The following AGAP1 variants were observed in gnomAD, a reference collection of about 807,000 sequenced individuals.
AGAP1 encodes the protein arf-GAP with GTPase, ANK repeat and PH domain-containing protein 1.
A neutral mutation model predicts 105.3 loss-of-function variants in AGAP1; 29 were observed. The observed-to-expected ratio is 0.28, with a 90% CI of 0.21 to 0.38. The LOEUF (loss-of-function observed/expected upper bound fraction) is 0.38, where lower values mean the gene tolerates loss of function less well. AGAP1 is among the 10% of genes least tolerant of loss of function. The pLI is 1.00. For synonymous variants in AGAP1, 509 were observed against 485.9 expected (o/e 1.05, Z -0.63); for missense variants, 998 against 1,165.1 (o/e 0.86, Z 2.09).
intron 1 of AGAP1, among the ~76,000 whole-genome samples, chr2:235,575,963 A>G (rs1262243734): frequency 6.6e-6 from 1 of 152,152 alleles, no homozygotes; most frequent in Non-Finnish European, 1.5e-5. Flanking sequence ...TTTTTATGAG[A>G]CGTGTTGTCC....
rs1366379729 is a variant in AGAP1 at position 235,691,325 on chromosome 2, AAGTTAGAAAGGCAC to A, written c.164-17852_164-17839del. 1.3e-5 allele frequency among the ~76,000 whole-genome samples: 2 copies of A among 152,258 alleles called. No homozygotes were observed. Among genetic ancestry groups the A allele is most frequent in the Non-Finnish European group, 2.9e-5 (2 of 68,050 alleles). ...CAGTGGATGCTACCCTGTTGGTGGC[AAGTTAGAAAGGCAC>A]ACGTTGGTAATGGCCAATGGTTGCC... On this transcript the variant is annotated intron_variant, in intron 1 of 17. Transcript: ENST00000304032. This position sits in a 1 kb window ranked among gnomAD's most constrained non-coding sequence, Gnocchi z 4.4.
chr2:235,813,511 G>A (rs1958274250), intron 9 of AGAP1, among the ~76,000 whole-genome samples: 1 of 152,224 alleles, frequency 6.6e-6, no homozygotes, highest in Admixed American at 6.5e-5. Flanking sequence ...CCCTCGCAGG[G>A]CATGTGATGG....
rs550641309 is a variant in AGAP1 at position 235,690,140 on chromosome 2, C to T, written c.164-19039C>T. Among the ~76,000 whole-genome samples, 2 of 152,068 alleles carry T rather than the reference C, an allele frequency of 1.3e-5. No homozygotes were observed. Among genetic ancestry groups the T allele is most frequent in the Non-Finnish European group, 2.9e-5 (2 of 68,024 alleles). Reference sequence around the variant, plus strand: ...CTGAGTCCCCAGGTTCCCCTCTCCCCCTACCTGAGGTACTGAGGGATCTCA... The same window carrying T: ...CTGAGTCCCCAGGTTCCCCTCTCCCTCTACCTGAGGTACTGAGGGATCTCA... On this transcript the variant is annotated intron_variant, in intron 1 of 17. Transcript: ENST00000304032. The surrounding 1 kb of genome is among the most constrained non-coding windows in gnomAD (Gnocchi z 4.1).
intron 1 of AGAP1, among the ~76,000 whole-genome samples, chr2:235,598,930 G>A (rs1364111773): frequency 6.6e-6 from 1 of 152,230 alleles, no homozygotes; most frequent in Non-Finnish European, 1.5e-5. Flanking sequence ...ATTTAGGGCT[G>A]TGGATGGGCT....
Position 235,973,358 on chromosome 2 carries a change from T to A in AGAP1, c.1645+4735T>A, listed in dbSNP as rs2054731265. ...GCAGGGACGGTGACTGGAGAATCCC[T>A]TATCTTTTTGTGTATATTTTGGGTT... is the stretch of plus-strand genomic sequence containing the variant. On this transcript the variant is annotated intron_variant, in intron 13 of 17. Coordinates refer to ENST00000304032, the MANE Select transcript of AGAP1 (RefSeq NM_001037131.3). This position sits in a 1 kb window ranked among gnomAD's most constrained non-coding sequence, Gnocchi z 4.7. 6.6e-6 allele frequency among the ~76,000 whole-genome samples: 1 copy of A among 152,194 alleles called. No individual in the cohort carries two copies.
rs1273731996 is a variant in AGAP1 at position 235,639,042 on chromosome 2, G to A, written c.164-70137G>A. 6.6e-6 allele frequency among the ~76,000 whole-genome samples: 1 copy of A among 152,200 alleles called. No individual in the cohort carries two copies. Among genetic ancestry groups the A allele is most frequent in the African/African-American group, 2.4e-5 (1 of 41,454 alleles). ...ACTGGTTAAAATAGTGTCAGTAGGGGTGGAGAGAAGGGGACAAAAGAGTCT... is the reference window on the plus strand; with the variant it reads ...ACTGGTTAAAATAGTGTCAGTAGGGATGGAGAGAAGGGGACAAAAGAGTCT... On this transcript the variant is annotated intron_variant, in intron 1 of 17. Transcript: ENST00000304032. The surrounding 1 kb of genome is among the most constrained non-coding windows in gnomAD (Gnocchi z 5.3).
intron 1 of AGAP1, among the ~76,000 whole-genome samples, chr2:235,527,882 C>T (rs1394132643): frequency 6.6e-6 from 1 of 152,186 alleles, no homozygotes; most frequent in African/African-American, 2.4e-5. Flanking sequence ...ATCCGTAAAG[C>T]CTCATGCCCT....
At chr2:235,895,146 A>G (rs2050741977) in intron 10 of AGAP1, among the ~76,000 whole-genome samples, 1 of 152,226 alleles carries the variant, frequency 6.6e-6, no homozygotes, top group Admixed American at 6.5e-5. Context: ...TGGCCTGCTC[A>G]TAAAGTTTTC....
rs866160753 is a variant in AGAP1, at chr2:235,729,094, A to G, written c.310+11450A>G. 4.6e-5 allele frequency among the ~76,000 whole-genome samples: 7 copies of G among 152,104 alleles called. No homozygotes were observed. Among genetic ancestry groups the G allele is most frequent in the Admixed American group, 1.3e-4 (2 of 15,280 alleles). On this transcript the variant is annotated intron_variant, in intron 3 of 17. Coordinates refer to ENST00000304032, the MANE Select transcript of AGAP1 (RefSeq NM_001037131.3). The surrounding 1 kb of genome is among the most constrained non-coding windows in gnomAD (Gnocchi z 5.0). Reference sequence around the variant, plus strand: ...CTCCAGCCAGGCTATTAGCAGGAGCACTGGCTTTGGAGGGGGACCTAAGAG... The same window carrying G: ...CTCCAGCCAGGCTATTAGCAGGAGCGCTGGCTTTGGAGGGGGACCTAAGAG...
chr2:235,628,569 A>G (rs540517621), intron 1 of AGAP1, among the ~76,000 whole-genome samples: 2 of 152,136 alleles, frequency 1.3e-5, no homozygotes, highest in Non-Finnish European at 2.9e-5. Flanking sequence ...AGATGGAGAC[A>G]AGATTTGGTG....
intron 9 of AGAP1, among the ~76,000 whole-genome samples, chr2:235,822,633 G>A (rs1958858510): frequency 1.3e-5 from 2 of 152,084 alleles, no homozygotes; most frequent in Non-Finnish European, 2.9e-5. Context: ...AAGCTCAGTG[G>A]TGAAGAGGAG....
At chr2:235,800,274 T>C (rs1460315682) in intron 8 of AGAP1, among the ~76,000 whole-genome samples, 2 of 151,782 alleles carry the variant, frequency 1.3e-5, no homozygotes, top group East Asian at 3.9e-4. Context: ...AATTTTTTTT[T>C]TTTTTTTAAA....
Position 235,601,771 on chromosome 2 carries a change from C to T in AGAP1, c.163+106922C>T, listed in dbSNP as rs1386277760. 6.6e-6 allele frequency among the ~76,000 whole-genome samples: 1 copy of T among 152,108 alleles called. No individual in the cohort carries two copies. Among genetic ancestry groups the T allele is most frequent in the Non-Finnish European group, 1.5e-5 (1 of 68,020 alleles). On this transcript the variant is annotated intron_variant, in intron 1 of 17. Transcript: ENST00000304032. This position sits in a 1 kb window ranked among gnomAD's most constrained non-coding sequence, Gnocchi z 4.4. ...CTGAGGCGGGAGGATCACTGGAGGCCAGGAGTTTAAGACCAGCCTGGGCAA... is the reference window on the plus strand; with the variant it reads ...CTGAGGCGGGAGGATCACTGGAGGCTAGGAGTTTAAGACCAGCCTGGGCAA...
intron 15 of AGAP1, among the ~76,000 whole-genome samples, chr2:236,047,935 T>C (rs2057772224): frequency 6.6e-6 from 1 of 152,176 alleles, no homozygotes; most frequent in African/African-American, 2.4e-5. Context: ...TATCTATCAC[T>C]GCCTTCTTGC....
chr2:236,013,281 C>T (rs556621116), intron 13 of AGAP1, among the ~76,000 whole-genome samples: 112 of 152,332 alleles, frequency 7.4e-4, no homozygotes, highest in African/African-American at 2.6e-3. Flanking sequence ...GTTAGAAGCA[C>T]TTGAGATTCA....
chr2:236,033,799 A>G (rs1466001879), intron 13 of AGAP1, among the ~76,000 whole-genome samples: 3 of 152,256 alleles, frequency 2.0e-5, no homozygotes, highest in Non-Finnish European at 4.4e-5. Context: ...ACTGTAGCTC[A>G]TGACTGGCTA....
intron 1 of AGAP1, among the ~76,000 whole-genome samples, chr2:235,573,054 CTTCTTCTTTCTTCT>C (rs554093718): frequency 1.9e-3 from 41 of 22,152 alleles, no homozygotes; most frequent in East Asian, 4.0e-3. Context: ...TCTTCTTCTT[CTTCTTCTTTCTTCT>C]TTCTTCTTTC....
chr2:235,975,484 G>A (rs2054821791), intron 13 of AGAP1, among the ~76,000 whole-genome samples: 1 of 152,128 alleles, frequency 6.6e-6, no homozygotes, highest in Admixed American at 6.5e-5. Context: ...GATTGGGAGG[G>A]CAGTGTGCTT....
chr2:235,751,463 C>A lies in AGAP1; in HGVS notation c.673+975C>A, dbSNP rs1953433236. Among the ~76,000 whole-genome samples, 1 of 152,148 alleles carries A rather than the reference C, an allele frequency of 6.6e-6. No individual in the cohort carries two copies. The highest frequency in any genetic ancestry group is 2.4e-5 in the African/African-American group (1 of 41,430). On this transcript the variant is annotated intron_variant, in intron 6 of 17. Transcript: ENST00000304032. This position sits in a 1 kb window ranked among gnomAD's most constrained non-coding sequence, Gnocchi z 5.3. ...TCGGGCTCTCCAGAGAGTGCTGGAG[C>A]CGCTTCAAGGTGATGGAGGACTCGC...
Sources: allele counts gnomAD v4.1 joint callset (sites outside exome capture counted in the v4.1 genomes callset), GRCh38; gene constraint gnomAD v4.1.1; non-coding constraint Gnocchi (gnomAD v3.1); transcripts MANE v1.5; gene names NCBI Gene and HGNC (gene_info 2026-07-23, HGNC 2026-07-21).